Variants in EBLN1 observed in about 807,000 individuals in gnomAD.
EBLN1 encodes the protein endogenous Bornavirus-like nucleoprotein 1.
In EBLN1, 1 loss-of-function variant was observed where a neutral mutation model predicts 0.8. That is an observed-to-expected ratio of 1.32 (90% CI 0.47 to 6.26). The LOEUF (loss-of-function observed/expected upper bound fraction) is 6.26. EBLN1 is among the 30% of genes most tolerant of loss of function. The pLI is 0.15. For missense variants in EBLN1, 396 were observed against 447.9 expected (o/e 0.88, Z 1.05); for synonymous variants, 158 against 158.5 (o/e 1.00, Z 0.02).
Position 22,209,256 on chromosome 10 carries a change from A to T in EBLN1, c.728T>A (p.Phe243Tyr). ...QMMTYYTVRM[F>Y]LDQCVDGSTA... ...GGAACCATCCACACACTGATCCAGG[A>T]ACATTCTCACAGTGTAGTAGGTCAT... The change falls in exon 3 of 3, where the codon TTC becomes TAC. Residue 243 changes from phenylalanine to tyrosine, a missense_variant. By Grantham distance (22) the Phe-to-Tyr change is conservative. Transcript: ENST00000422359. 1 of 1,572,946 alleles carries T rather than the reference A, an allele frequency of 6.4e-7. No individual in the cohort carries two copies. The highest frequency in any genetic ancestry group is 8.6e-7 in the Non-Finnish European group (1 of 1,166,808).
chr10:22,209,778 C>G lies in EBLN1; in HGVS notation c.206G>C (p.Arg69Thr). The G allele has an allele frequency of 6.5e-7, 1 of 1,535,890 alleles. No individual in the cohort carries two copies. Among genetic ancestry groups the G allele is most frequent in the East Asian group, 2.4e-5 (1 of 40,922 alleles). The change falls in exon 3 of 3, where the codon AGA becomes ACA. Residue 69 changes from arginine to threonine, a missense_variant. Physicochemically the swap from Arg to Thr is moderately conservative, Grantham distance 71. Transcript: ENST00000422359. ...ATKSMLDPAQ[R>T]SHFYLVTPSL... ...TGGGGTTACAAGGTAAAAATGAGATCTCTGTGCTGGGTCTAGCATAGACTT... is the reference window on the plus strand; with the variant it reads ...TGGGGTTACAAGGTAAAAATGAGATGTCTGTGCTGGGTCTAGCATAGACTT...
In EBLN1 at chr10:22,208,955, G is replaced by T; in HGVS notation, c.1029C>A (p.Ile343=). The T allele has an allele frequency of 6.5e-7, 1 of 1,535,714 alleles. No individual in the cohort carries two copies. The highest frequency in any genetic ancestry group is 8.7e-7 in the Non-Finnish European group (1 of 1,146,900). Residue 343 remains isoleucine, a synonymous_variant, in exon 3 of 3, where the codon ATC becomes ATA. Coordinates refer to ENST00000422359, the MANE Select transcript of EBLN1 (RefSeq NM_001394757.1). ...ATGGATCCATGTCACTTCCTCTGGA[G>T]ATTTTCTGAGCAGATGCCATTTGAA... ...PVLQMASAQK[I]SRGSDMDPYT... is the part of the protein sequence containing the mutation.
In EBLN1 at chr10:22,209,351, A is replaced by C. The variant is rs992517915; in HGVS notation, c.633T>G (p.Phe211Leu). 6.2e-7 allele frequency: 1 copy of C among 1,605,142 alleles called. No individual in the cohort carries two copies. Among genetic ancestry groups the C allele is most frequent in the Non-Finnish European group, 8.5e-7 (1 of 1,179,854 alleles). Residue 211 changes from phenylalanine to leucine, a missense_variant, in exon 3 of 3, where the codon TTT (phenylalanine) becomes TTG (leucine). Coordinates refer to ENST00000422359, the MANE Select transcript of EBLN1 (RefSeq NM_001394757.1). Reference protein sequence around the residue: ...WVGGLMFTFLFGEFESPACEL... With the variant: ...WVGGLMFTFLLGEFESPACEL... ...CGCACGCAGGGGATTCAAATTCTCC[A>C]AATAGAAATGTGAACATTAATCCTC...
rs142227882 is a variant in EBLN1, at chr10:22,210,091, G to A, written c.-44-64C>T. ...TTTAAATTACATTTATTAATAAAAT[G>A]TATTATGACTTCTGTATCTCATTTA... On this transcript the variant is annotated intron_variant, in intron 2 of 2. Transcript: ENST00000422359. The A allele has an allele frequency of 4.9e-5, 59 of 1,198,836 alleles. No individual in the cohort carries two copies. In the East Asian group the frequency reaches 1.7e-3, roughly 34 times the overall value. 74.3% of individuals were successfully genotyped at this position (1,198,836 alleles called of 1,614,324 possible).
intron 2 of EBLN1, among the ~76,000 whole-genome samples, chr10:22,212,298 A>C (rs1280076651): frequency 1.3e-5 from 2 of 152,238 alleles, no homozygotes; most frequent in African/African-American, 4.8e-5. Context: ...CAAAAACATT[A>C]GAGTAAAACA....
chr10:22,209,979 G>A lies in EBLN1; in HGVS notation c.5C>T (p.Ser2Phe), dbSNP rs561315247. M[S>F]RPRNNPQTSS... ...GGTCTGTGGGTTGTTTCTTGGGCGG[G>A]ACATTGTGGGTGATTGTTTCTGTGA... is the stretch of plus-strand genomic sequence containing the variant. Residue 2 changes from serine (S) to phenylalanine (F), a missense_variant, in exon 3 of 3, where the codon TCC (serine) becomes TTC (phenylalanine). By Grantham distance (155) the Ser-to-Phe change is radical. Transcript: ENST00000422359. 3.9e-5 allele frequency: 55 copies of A among 1,401,748 alleles called. No homozygotes were observed. In the African/African-American group the frequency reaches 7.5e-4, roughly 19 times the overall value. The allele number at this position is 1,401,748 out of a possible 1,614,324, so 86.8% of individuals were successfully genotyped here. A position where few individuals can be genotyped will look rare whatever the true frequency, so the allele number is the denominator to read the frequency against.
chr10:22,213,082 A>G (rs899197339), intron 1 of EBLN1, among the ~76,000 whole-genome samples, 117 bp from the exon 2 acceptor site: 7 of 152,192 alleles, frequency 4.6e-5, no homozygotes, highest in Non-Finnish European at 8.8e-5. Context: ...ATTATGTTGC[A>G]TCTGAAGCAT....
Position 22,209,690 on chromosome 10 carries a change from C to G in EBLN1, c.294G>C (p.Val98=). The part of the protein sequence containing the change: ...GLHKALLSVG[V]SKRSNIVIGN... ...CAATCACAATATTAGACCTTTTGCTCACACCGACACTGAGTAGTGCCTTGT... is the reference window on the plus strand; with the variant it reads ...CAATCACAATATTAGACCTTTTGCTGACACCGACACTGAGTAGTGCCTTGT... The change falls in exon 3 of 3, where the codon GTG becomes GTC. Residue 98 remains valine, a synonymous_variant. Coordinates refer to ENST00000422359, the MANE Select transcript of EBLN1 (RefSeq NM_001394757.1). 1.3e-6 allele frequency: 2 copies of G among 1,535,882 alleles called. No individual in the cohort carries two copies. Among genetic ancestry groups the G allele is most frequent in the Non-Finnish European group, 1.7e-6 (2 of 1,146,938 alleles).
chr10:22,217,108 T>C lies in EBLN1; in HGVS notation c.-169+808A>G, dbSNP rs375210983. 3.3e-4 allele frequency among the ~76,000 whole-genome samples: 50 copies of C among 152,224 alleles called. 1 individual carries two copies. In the South Asian group the frequency reaches 0.01, roughly 32 times the overall value. ...AATACATACTCAGAAATTATTTATA[T>C]ATATATGTATGTGTATATATATATT... On this transcript the variant is annotated intron_variant, in intron 1 of 2. Transcript: ENST00000422359.
rs1834714774 is a variant in EBLN1, at chr10:22,208,668, C to T, written c.*215G>A. Reference sequence around the variant, plus strand: ...CATGTCAAAGCATATTTTTGGCCTCCAGTACTTAAAAAGACTTTGGAGATC... The same window carrying T: ...CATGTCAAAGCATATTTTTGGCCTCTAGTACTTAAAAAGACTTTGGAGATC... On this transcript the variant is annotated 3_prime_UTR_variant, in exon 3 of 3. Coordinates refer to ENST00000422359, the MANE Select transcript of EBLN1 (RefSeq NM_001394757.1). The T allele has an allele frequency of 4.2e-6, 2 of 479,186 alleles. No individual in the cohort carries two copies. Among genetic ancestry groups the T allele is most frequent in the Non-Finnish European group, 3.4e-6 (1 of 294,822 alleles). 29.7% of individuals were successfully genotyped at this position (479,186 alleles called of 1,614,324 possible). A position where few individuals can be genotyped will look rare whatever the true frequency, so the allele number is the denominator to read the frequency against.
intron 2 of EBLN1, among the ~76,000 whole-genome samples, chr10:22,211,522 T>G (rs1182552986): frequency 6.6e-6 from 1 of 152,092 alleles, no homozygotes; most frequent in African/African-American, 2.4e-5. Context: ...AGACAGGGTC[T>G]CACTTTATCA....
rs1263795467 is a variant in EBLN1 at position 22,208,857 on chromosome 10, T to C, written c.*26A>G. On this transcript the variant is annotated 3_prime_UTR_variant, in exon 3 of 3. Transcript: ENST00000422359. ...TTCACATAATTTCTTTTTATATGTATATATAAGGATTAGTTCACGTATTTG... is the reference window on the plus strand; with the variant it reads ...TTCACATAATTTCTTTTTATATGTACATATAAGGATTAGTTCACGTATTTG... 1.0e-5 allele frequency: 15 copies of C among 1,484,582 alleles called. No homozygotes were observed. The highest frequency in any genetic ancestry group is 4.9e-5 in the East Asian group (2 of 40,534). The allele number at this position is 1,484,582 out of a possible 1,614,324, so 92.0% of individuals were successfully genotyped here. A position where few individuals can be genotyped will look rare whatever the true frequency, so the allele number is the denominator to read the frequency against.
Position 22,209,140 on chromosome 10 carries a change from C to A in EBLN1, c.844G>T (p.Gly282Trp), listed in dbSNP as rs1389172016. 1.3e-6 allele frequency: 2 copies of A among 1,535,984 alleles called. No individual in the cohort carries two copies. The highest frequency in any genetic ancestry group is 1.7e-6 in the Non-Finnish European group (2 of 1,146,912). The change falls in exon 3 of 3, where the codon GGG becomes TGG. Residue 282 changes from glycine (G) to tryptophan (W), a missense_variant. Physicochemically the swap from Gly to Trp is radical, Grantham distance 184. Coordinates refer to ENST00000422359, the MANE Select transcript of EBLN1 (RefSeq NM_001394757.1). ...KKVLGDFFEF[G>W]GVLRHPVIGV... The stretch of plus-strand genomic sequence containing the variant: ...ATAACAGGGTGGCGAAGTACACCCC[C>A]AAATTCAAAGAAATCTCCAAGTACC...
intron 1 of EBLN1, among the ~76,000 whole-genome samples, chr10:22,215,771 A>G (rs1405293651): frequency 6.6e-6 from 1 of 152,178 alleles, no homozygotes; most frequent in Non-Finnish European, 1.5e-5. Context: ...TCATTTCAGC[A>G]TTATGTATGA....
chr10:22,217,119 G>A (rs1156799741), intron 1 of EBLN1, among the ~76,000 whole-genome samples: 3 of 151,988 alleles, frequency 2.0e-5, no homozygotes, highest in Non-Finnish European at 2.9e-5. Context: ...ATATATGTAT[G>A]TGTATATATA....
At position 22,209,060 on chromosome 10, in the gene EBLN1, C is replaced by T; in HGVS notation, c.924G>A (p.Trp308Ter). ...FPNLATAANY[W>*]AKRRNSTFSG... ...AAAATGTGGAATTCCTTCTTTTGGC[C>T]CAGTAGTTTGCTGCTGTTGCTAGGT... Residue 308 changes from tryptophan (W) to a stop codon, truncating the protein, a stop_gained, in exon 3 of 3, where the codon TGG becomes TGA. Transcript: ENST00000422359. LOFTEE classifies it high-confidence loss of function. 1 of 1,536,498 alleles carries T rather than the reference C, an allele frequency of 6.5e-7. No homozygotes were observed. Among genetic ancestry groups the T allele is most frequent in the Non-Finnish European group, 8.7e-7 (1 of 1,146,904 alleles).
chr10:22,213,625 T>G (rs962597466), intron 1 of EBLN1, among the ~76,000 whole-genome samples: 8 of 152,210 alleles, frequency 5.3e-5, no homozygotes. Flanking sequence ...GTAAACCATA[T>G]GTGATTTGCA....
intron 1 of EBLN1, among the ~76,000 whole-genome samples, chr10:22,217,289 C>A (rs572219651): frequency 6.6e-6 from 1 of 152,262 alleles, no homozygotes; most frequent in East Asian, 1.9e-4. Context: ...CCACGCCCAG[C>A]TAATTTTTCT....
chr10:22,212,803 G>GTT (rs60534502), intron 2 of EBLN1, among the ~76,000 whole-genome samples, 39 bp downstream of exon 2: 1 of 145,680 alleles, frequency 6.9e-6, no homozygotes, highest in Non-Finnish European at 1.5e-5. Context: ...AAAAAGTTGT[G>GTT]TTTTTTTTTT....
Sources: gnomAD v4.1 joint callset for allele counts (sites outside exome capture counted in the v4.1 genomes callset) on GRCh38, gnomAD v4.1.1 for gene constraint, MANE v1.5 for transcripts, NCBI Gene and HGNC (gene_info 2026-07-23, HGNC 2026-07-21) for gene names.